Variants in CYP19A1 observed in about 807,000 individuals in gnomAD.
CYP19A1 encodes aromatase.
In CYP19A1, 32 loss-of-function variants were observed where a neutral mutation model predicts 44.4. The ratio of observed to expected loss-of-function variants is 0.72; its 90% CI spans 0.54 to 0.97. The LOEUF (loss-of-function observed/expected upper bound fraction) is 0.97. CYP19A1 is among the 50% of genes least tolerant of loss of function. The pLI is 0.00. For synonymous variants in CYP19A1, 212 were observed against 215.6 expected (o/e 0.98, Z 0.14); for missense variants, 598 against 637.8 (o/e 0.94, Z 0.67).
intron 1 of CYP19A1, among the ~76,000 whole-genome samples, chr15:51,310,605 T>C (rs1431752634): frequency 6.6e-6 from 1 of 152,168 alleles, no homozygotes; most frequent in Non-Finnish European, 1.5e-5. Flanking sequence ...TCCCTTTGGG[T>C]ACAGAAATTC....
At chr15:51,268,634 G>A (rs189239127) in intron 1 of CYP19A1, among the ~76,000 whole-genome samples, 71 of 151,358 alleles carry the variant, frequency 4.7e-4, no homozygotes, top group Non-Finnish European at 8.5e-4. Flanking sequence ...AACAGTGGCT[G>A]TATAGCAGGT....
rs2034812134 is a variant in CYP19A1, at chr15:51,263,659, T to C, written c.-38-20709A>G. ...GAGGAAGGCATGAGATCCAGGCACC[T>C]GTGGAGGGACTGTACTTTGCTGGAG... On this transcript the variant is annotated intron_variant, in intron 1 of 9. Coordinates refer to ENST00000396402, the MANE Select transcript of CYP19A1 (RefSeq NM_000103.4). Among the ~76,000 whole-genome samples, 6 of 152,172 alleles carry C rather than the reference T, an allele frequency of 3.9e-5. No individual in the cohort carries two copies. The South Asian group carries it at 1.2e-3, about 32-fold the overall frequency.
At chr15:51,332,749 C>T (rs926017540) in intron 1 of CYP19A1, among the ~76,000 whole-genome samples, 3 of 152,154 alleles carry the variant, frequency 2.0e-5, no homozygotes, top group East Asian at 3.8e-4. Context: ...TCTTGGTGTG[C>T]AGTGTTTTTC....
chr15:51,239,934 G>C (rs1361779583), intron 2 of CYP19A1, among the ~76,000 whole-genome samples: 1 of 152,196 alleles, frequency 6.6e-6, no homozygotes, highest in Non-Finnish European at 1.5e-5. Context: ...CCCTTGTTTA[G>C]AGCTGGGGAT....
chr15:51,308,970 C>T (rs2036262892), intron 1 of CYP19A1, among the ~76,000 whole-genome samples: 2 of 152,182 alleles, frequency 1.3e-5, no homozygotes, highest in Admixed American at 6.5e-5. Context: ...AGATCCAATC[C>T]TCTGGCATTA....
chr15:51,252,243 TGGAGAAACACACTCG>T (rs1426080042), intron 1 of CYP19A1, among the ~76,000 whole-genome samples: 3 of 152,158 alleles, frequency 2.0e-5, no homozygotes, highest in East Asian at 3.9e-4. Context: ...AATCTTGCTC[TGGAGAAACACACTCG>T]GGAATCAACA....
intron 1 of CYP19A1, among the ~76,000 whole-genome samples, chr15:51,337,546 A>G (rs1190220063): frequency 6.6e-6 from 1 of 152,246 alleles, no homozygotes; most frequent in Non-Finnish European, 1.5e-5. Context: ...TCCAAAGCCC[A>G]GGTGCATAAC....
chr15:51,239,634 TAAAA>T (rs373481551), intron 2 of CYP19A1, among the ~76,000 whole-genome samples: 1 of 141,028 alleles, frequency 7.1e-6, no homozygotes, highest in Non-Finnish European at 1.6e-5. Context: ...GGTAAAATGA[TAAAA>T]AAAAAAAGCA....
At chr15:51,239,137 A>C (rs972061782) in intron 2 of CYP19A1, among the ~76,000 whole-genome samples, 10 of 152,160 alleles carry the variant, frequency 6.6e-5, no homozygotes, top group Non-Finnish European at 1.5e-4. Flanking sequence ...TGCTTCTCAG[A>C]TTTGGGAATG....
chr15:51,321,083 C>T (rs1046844880), intron 1 of CYP19A1: 3 of 152,888 alleles, frequency 2.0e-5, no homozygotes, highest in African/African-American at 7.2e-5. Flanking sequence ...TCCTGTCTCC[C>T]CACTCCAGCC....
In CYP19A1 at chr15:51,328,547, GGTGTGT is replaced by G. The variant is rs56202041; in HGVS notation, c.-39+9942_-39+9947del. Among the ~76,000 whole-genome samples, 2,813 of 147,248 alleles carry G rather than the reference GGTGTGT, an allele frequency of 0.019. 175 individuals are homozygous for G. In the East Asian group the frequency reaches 0.24, roughly 13 times the overall value. ...TGGGAATCCTGAGTTACAGGGCAGG[GGTGTGT>G]GTGTGTGTGTGTGTGTGTGTGTGTG... On this transcript the variant is annotated intron_variant, in intron 1 of 9. Transcript: ENST00000396402.
Position 51,286,400 on chromosome 15 carries a change from TTC to T in CYP19A1, c.-38-43452_-38-43451del, listed in dbSNP as rs2035699513. ...AAAGCCAGGAAGCACTCAATTAAAT[TTC>T]TGTCTTCAGGCACTTGTTTGTCTGT... On this transcript the variant is annotated intron_variant, in intron 1 of 9. Transcript: ENST00000396402. 3.9e-5 allele frequency among the ~76,000 whole-genome samples: 6 copies of T among 152,336 alleles called. 1 individual carries two copies. The South Asian group carries it at 1.2e-3, about 32-fold the overall frequency.
intron 1 of CYP19A1, among the ~76,000 whole-genome samples, chr15:51,326,264 T>G (rs1230119609): frequency 6.6e-6 from 1 of 152,154 alleles, no homozygotes; most frequent in African/African-American, 2.4e-5. Context: ...AATGCACAGT[T>G]TACCCCTGGA....
chr15:51,220,726 T>C (rs1189574359), intron 5 of CYP19A1, among the ~76,000 whole-genome samples: 1 of 152,202 alleles, frequency 6.6e-6, no homozygotes, highest in East Asian at 1.9e-4. Flanking sequence ...TATCTTTTCT[T>C]TATGCTGAGA....
chr15:51,291,707 T>C (rs1338867513), intron 1 of CYP19A1, among the ~76,000 whole-genome samples: 1 of 152,210 alleles, frequency 6.6e-6, no homozygotes. Flanking sequence ...TCTGGGAGTC[T>C]GTTGCAGAGT....
chr15:51,307,698 C>T (rs1363301386), intron 1 of CYP19A1, among the ~76,000 whole-genome samples: 1 of 152,176 alleles, frequency 6.6e-6, no homozygotes, highest in African/African-American at 2.4e-5. Flanking sequence ...CTGGGTTTGC[C>T]TCAATTTCCT....
intron 1 of CYP19A1, among the ~76,000 whole-genome samples, chr15:51,284,009 G>C (rs936664978): frequency 6.6e-6 from 1 of 152,232 alleles, no homozygotes; most frequent in African/African-American, 2.4e-5. Context: ...GGAAGGTCTA[G>C]TCTAAATTTG....
chr15:51,242,090 T>C (rs2033803859), intron 2 of CYP19A1: 2 of 153,944 alleles, frequency 1.3e-5, no homozygotes, highest in Admixed American at 6.5e-5. Flanking sequence ...GGTTTTCTAT[T>C]GGGATTATCT....
chr15:51,299,101 C>T (rs1429644768), intron 1 of CYP19A1, among the ~76,000 whole-genome samples: 1 of 152,232 alleles, frequency 6.6e-6, no homozygotes, highest in Non-Finnish European at 1.5e-5. Flanking sequence ...AGAGAGGACC[C>T]TTCCTTCCGA....
Sources: gnomAD v4.1 joint callset for allele counts (sites outside exome capture counted in the v4.1 genomes callset) on GRCh38, gnomAD v4.1.1 for gene constraint, MANE v1.5 for transcripts, NCBI Gene and HGNC (gene_info 2026-07-23, HGNC 2026-07-21) for gene names.